GLIS3: variants seen among roughly 807,000 people sequenced by gnomAD.
GLIS3 encodes zinc finger protein GLIS3.
In GLIS3, 53 loss-of-function variants were observed where a neutral mutation model predicts 78.6. The ratio of observed to expected loss-of-function variants is 0.67; its 90% confidence interval spans 0.54 to 0.85. GLIS3 has a LOEUF of 0.85. Among genes scored for constraint, GLIS3 ranks in the 40% least tolerant of loss-of-function variants. The probability of loss-of-function intolerance (pLI) is 0.00; values close to 1 mark genes in which losing one functional copy is unlikely to be tolerated. For synonymous variants in GLIS3, 684 were observed against 509.9 expected (o/e 1.34, Z -4.60); for missense variants, 1,703 against 1,231.1 (o/e 1.38, Z -5.74).
intron 4 of GLIS3, among the ~76,000 whole-genome samples, chr9:3,976,504 G>A (rs763419121): frequency 6.0e-5 from 9 of 150,906 alleles, no homozygotes; most frequent in Non-Finnish European, 1.0e-4. Context: ...TTTTTTTTCC[G>A]GCTCAGTAAC....
chr9:4,297,121 A>C (rs939179221), intron 1 of GLIS3, among the ~76,000 whole-genome samples: 13 of 123,678 alleles, frequency 1.1e-4, no homozygotes, highest in South Asian at 2.4e-4. Context: ...TTTTGTACCC[A>C]AAAAAAAAAA....
At chr9:3,942,114 T>A (rs968385912) in intron 4 of GLIS3, among the ~76,000 whole-genome samples, 1 of 152,212 alleles carries the variant, frequency 6.6e-6, no homozygotes, top group African/African-American at 2.4e-5. Context: ...CTGAGAAGCA[T>A]AAGTTCATAT....
intron 2 of GLIS3, among the ~76,000 whole-genome samples, chr9:4,234,049 G>C (rs1269218427): frequency 2.0e-5 from 3 of 152,140 alleles, no homozygotes; most frequent in Admixed American, 6.5e-5. Context: ...GGCTTAATCT[G>C]GATTAGGCTT....
intron 2 of GLIS3, among the ~76,000 whole-genome samples, chr9:4,274,167 G>C (rs140465983): frequency 2.8e-3 from 428 of 152,256 alleles, no homozygotes; most frequent in African/African-American, 0.01. Context: ...CTGGACAATG[G>C]GTCTTGGCCC....
chr9:4,329,268 TC>T (rs1435384976), intron 2 of GLIS3, among the ~76,000 whole-genome samples: 1 of 152,208 alleles, frequency 6.6e-6, no homozygotes, highest in Non-Finnish European at 1.5e-5. Context: ...AGGGGAAACC[TC>T]GCATGTGTGT....
chr9:4,395,831 T>A, the GLIS3 span, among the ~76,000 whole-genome samples: 1 of 150,516 alleles, frequency 6.6e-6, no homozygotes, highest in African/African-American at 2.4e-5. Context: ...TGGAGTGCAA[T>A]GGCACAACCT....
intron 4 of GLIS3, among the ~76,000 whole-genome samples, chr9:4,112,651 G>C (rs1440366522): frequency 6.6e-6 from 1 of 152,156 alleles, no homozygotes; most frequent in Non-Finnish European, 1.5e-5. Context: ...CTAAATAACA[G>C]TCGTGGAAAG....
chr9:4,474,519 A>G, the GLIS3 span, among the ~76,000 whole-genome samples: 9 of 152,228 alleles, frequency 5.9e-5, no homozygotes, highest in Admixed American at 5.9e-4. Flanking sequence ...GAAAAAAATG[A>G]ATCTTCATCC....
chr9:4,045,359 G>A (rs943758715), intron 4 of GLIS3, among the ~76,000 whole-genome samples: 3 of 151,802 alleles, frequency 2.0e-5, no homozygotes, highest in African/African-American at 4.8e-5. Context: ...TTTTTGAGCC[G>A]GAATCTCGCT....
intron 4 of GLIS3, among the ~76,000 whole-genome samples, chr9:3,975,600 TAGG>T (rs1818719863): frequency 1.3e-5 from 2 of 151,788 alleles, no homozygotes; most frequent in Non-Finnish European, 2.9e-5. Context: ...AAGTACCTTA[TAGG>T]TGCTTACTTT....
chr9:3,860,271 TCAAAAAAAA>T (rs1820104497), intron 8 of GLIS3, among the ~76,000 whole-genome samples: 1 of 15,170 alleles, frequency 6.6e-5, no homozygotes, highest in Non-Finnish European at 1.0e-4. Context: ...CAAGACTCTG[TCAAAAAAAA>T]AAAAAAAAAA....
At chr9:4,093,031 T>A (rs955703927) in intron 4 of GLIS3, among the ~76,000 whole-genome samples, 1 of 152,166 alleles carries the variant, frequency 6.6e-6, no homozygotes, top group African/African-American at 2.4e-5. Flanking sequence ...TTTATAATCT[T>A]ATGGGGCCAC....
intron 7 of GLIS3, among the ~76,000 whole-genome samples, chr9:3,890,287 A>C (rs1422262313): frequency 6.6e-6 from 1 of 152,160 alleles, no homozygotes; most frequent in Non-Finnish European, 1.5e-5. Flanking sequence ...ACAAAAGTCT[A>C]ATTTGCAGAT....
the GLIS3 span, among the ~76,000 whole-genome samples, chr9:4,467,904 G>A: frequency 2.0e-5 from 3 of 152,236 alleles, no homozygotes; most frequent in African/African-American, 7.2e-5. Context: ...AAGATTAGAC[G>A]AATGGCTAAC....
At chr9:4,468,167 C>A in the GLIS3 span, among the ~76,000 whole-genome samples, 1 of 152,164 alleles carries the variant, frequency 6.6e-6, no homozygotes, top group Non-Finnish European at 1.5e-5. Flanking sequence ...GATTGGTGTA[C>A]CTGAAAGTGA....
intron 2 of GLIS3, among the ~76,000 whole-genome samples, chr9:4,188,851 A>C (rs1394381024): frequency 2.0e-5 from 3 of 151,906 alleles, no homozygotes; most frequent in Non-Finnish European, 4.4e-5. Context: ...TATCTCCTTT[A>C]TTATTTTTTA....
chr9:3,985,098 A>C (rs950095257), intron 4 of GLIS3, among the ~76,000 whole-genome samples: 9 of 21,862 alleles, frequency 4.1e-4, no homozygotes, highest in African/African-American at 1.1e-3. Flanking sequence ...TCAATTCACA[A>C]AAAAAAAAAA....
intron 4 of GLIS3, among the ~76,000 whole-genome samples, chr9:4,000,965 A>T (rs1821087538): frequency 1.3e-5 from 2 of 152,134 alleles, no homozygotes; most frequent in African/African-American, 4.8e-5. Context: ...TTTTCTATTT[A>T]TATTGTCTCC....
chr9:4,283,846 T>A (rs972516704), intron 2 of GLIS3, among the ~76,000 whole-genome samples: 1 of 152,144 alleles, frequency 6.6e-6, no homozygotes, highest in Non-Finnish European at 1.5e-5. Context: ...GTATCTAAGC[T>A]CCAAAGCTAG....
Sources: gnomAD v4.1 joint callset for allele counts (sites outside exome capture counted in the v4.1 genomes callset) on GRCh38, gnomAD v4.1.1 for gene constraint, MANE v1.5 for transcripts, NCBI Gene and HGNC (gene_info 2026-07-23, HGNC 2026-07-21) for gene names.